Variants in NUMB observed in about 807,000 individuals in gnomAD.
The protein encoded by NUMB is protein numb homolog.
NUMB carries 29 observed loss-of-function variants against 59.7 expected under a neutral mutation model. That is an observed-to-expected ratio of 0.49 (90% CI 0.36 to 0.66). The LOEUF is 0.66. Ranked by LOEUF, NUMB falls within the 30% of genes least tolerant of loss-of-function variation. The pLI is 0.00. For synonymous variants in NUMB, 288 were observed against 288.2 expected, an observed-to-expected ratio of 1.00 and a Z score of 0.01; for missense variants, 723 against 822.0, an observed-to-expected ratio of 0.88 and a Z score of 1.47.
intron 1 of NUMB, among the ~76,000 whole-genome samples, chr14:73,421,976 T>TA (rs2140152872): frequency 6.6e-6 from 1 of 152,016 alleles, no homozygotes; most frequent in South Asian, 2.1e-4. Flanking sequence ...CCGTCTCTAC[T>TA]AAAAATACAA....
intron 7 of NUMB, among the ~76,000 whole-genome samples, 162 bp from the exon 8 acceptor site, chr14:73,293,036 C>T (rs928554449): frequency 5.9e-5 from 9 of 152,316 alleles, no homozygotes; most frequent in African/African-American, 2.2e-4. Context: ...GAGAATTGGA[C>T]TCAGCAGACA....
intron 3 of NUMB, among the ~76,000 whole-genome samples, chr14:73,361,264 A>T (rs1894084334): frequency 6.6e-6 from 1 of 152,182 alleles, no homozygotes; most frequent in South Asian, 2.1e-4. Flanking sequence ...CCATTCAATA[A>T]GTTATCTAAC....
intron 2 of NUMB, among the ~76,000 whole-genome samples, chr14:73,390,583 C>G (rs1895790170): frequency 7.0e-6 from 1 of 143,518 alleles, no homozygotes; most frequent in African/African-American, 2.5e-5. Context: ...TTATAGAAAT[C>G]ATTACCCTAC....
intron 1 of NUMB, among the ~76,000 whole-genome samples, chr14:73,444,225 T>C (rs1285264172): frequency 1.3e-5 from 2 of 151,910 alleles, no homozygotes; most frequent in East Asian, 3.9e-4. Flanking sequence ...CGGTGAAACC[T>C]GGTCTCTACT....
intron 6 of NUMB, among the ~76,000 whole-genome samples, chr14:73,303,968 C>T (rs765345671): frequency 3.9e-5 from 6 of 152,146 alleles, no homozygotes; most frequent in Non-Finnish European, 5.9e-5. Context: ...TTATTATCTT[C>T]CTTAAAACCT....
chr14:73,418,174 T>C (rs139516157), intron 1 of NUMB, among the ~76,000 whole-genome samples: 1 of 152,212 alleles, frequency 6.6e-6, no homozygotes, highest in Non-Finnish European at 1.5e-5. Flanking sequence ...ATTCTGACAC[T>C]TGCTGCCACA....
chr14:73,402,865 CAGTTA>C (rs1896485932), intron 2 of NUMB, among the ~76,000 whole-genome samples: 3 of 152,162 alleles, frequency 2.0e-5, no homozygotes, highest in Admixed American at 1.3e-4. Flanking sequence ...CCACACTACC[CAGTTA>C]AATGTGTATT....
chr14:73,430,839 G>A (rs935672188), intron 1 of NUMB, among the ~76,000 whole-genome samples: 4 of 151,984 alleles, frequency 2.6e-5, no homozygotes, highest in African/African-American at 9.7e-5. Flanking sequence ...CAGCTACTGG[G>A]AAGGCTGAGG....
chr14:73,382,139 CT>C (rs1895272428), intron 2 of NUMB, among the ~76,000 whole-genome samples: 1 of 152,120 alleles, frequency 6.6e-6, no homozygotes, highest in South Asian at 2.1e-4. Context: ...GGCAAAGTGC[CT>C]TTTTAAAATT....
At chr14:73,352,718 A>C (rs1177197990) in intron 4 of NUMB, among the ~76,000 whole-genome samples, 1 of 118,256 alleles carries the variant, frequency 8.5e-6, no homozygotes, top group Non-Finnish European at 1.9e-5. Context: ...TTTTTTTTGT[A>C]TTTTTAGTAG....
chr14:73,286,183 T>C (rs1888979532), intron 9 of NUMB: 1 of 126,826 alleles, frequency 7.9e-6, no homozygotes, highest in South Asian at 2.7e-4. Context: ...CACCACCAAA[T>C]ATGGCAATTT....
intron 3 of NUMB, among the ~76,000 whole-genome samples, chr14:73,366,519 A>G (rs974957042): frequency 6.6e-6 from 1 of 152,194 alleles, no homozygotes; most frequent in African/African-American, 2.4e-5. Flanking sequence ...GTATTAAATC[A>G]TTCAATCTTT....
At position 73,353,472 on chromosome 14, in the gene NUMB, C is replaced by T. The variant is rs546456091; in HGVS notation, c.126+2154G>A. On this transcript the variant is annotated intron_variant, in intron 4 of 12. Transcript: ENST00000555238. ...GATATTACAAATCTTAGGATGACCA[C>T]TTATGCCAATATTATCTATAAACGT... is the stretch of plus-strand genomic sequence containing the variant. 4.0e-5 allele frequency among the ~76,000 whole-genome samples: 6 copies of T among 151,138 alleles called. No individual in the cohort carries two copies. The South Asian group carries it at 1.3e-3, about 32-fold the overall frequency.
intron 2 of NUMB, among the ~76,000 whole-genome samples, chr14:73,367,296 T>TATATATATATATACACAC (rs1406816784): frequency 1.7e-5 from 2 of 121,014 alleles, no homozygotes; most frequent in African/African-American, 7.3e-5. Context: ...TATATATATA[T>TATATATATATATACACAC]ACACACACAC....
At chr14:73,309,763 A>G (rs1890674795) in intron 6 of NUMB, among the ~76,000 whole-genome samples, 1 of 148,478 alleles carries the variant, frequency 6.7e-6, no homozygotes, top group African/African-American at 2.5e-5. Context: ...TAATAAAAAT[A>G]GGATCCAGAA....
Position 73,382,210 on chromosome 14 carries a change from G to C in NUMB, c.-100-15229C>G, listed in dbSNP as rs368140837. Among the ~76,000 whole-genome samples, 10 of 152,272 alleles carry C rather than the reference G, an allele frequency of 6.6e-5. No homozygotes were observed. In the East Asian group the frequency reaches 7.7e-4, roughly 12 times the overall value. On this transcript the variant is annotated intron_variant, in intron 2 of 12. Transcript: ENST00000555238. ...TGCCCAGGCTGGAGTGCAATGGCAC[G>C]ATCTTGGCTCACTGCAACCTCCGCC...
chr14:73,398,415 AGTGTGTGTGT>A lies in NUMB; in HGVS notation c.-101+11512_-101+11521del, dbSNP rs57407662. ...CACAGAGAGAGAGAGAGAGAGAGAG[AGTGTGTGTGT>A]GTGTGTGTGTGTGTGTGTGTGTGTG... On this transcript the variant is annotated intron_variant, in intron 2 of 12. Coordinates refer to ENST00000555238, the MANE Select transcript of NUMB (RefSeq NM_001005743.2). Among the ~76,000 whole-genome samples, 961 of 118,852 alleles carry A rather than the reference AGTGTGTGTGT, an allele frequency of 8.1e-3. 12 individuals are homozygous for A. The highest frequency in any genetic ancestry group is 0.029 in the African/African-American group (866 of 30,160). 78.0% of individuals were successfully genotyped at this position (118,852 alleles called of 152,430 possible).
At chr14:73,398,101 G>A (rs1372492410) in intron 2 of NUMB, among the ~76,000 whole-genome samples, 2 of 152,108 alleles carry the variant, frequency 1.3e-5, no homozygotes, top group African/African-American at 4.8e-5. Context: ...TTCACAAAAA[G>A]AGCAGGAATA....
chr14:73,401,326 G>C (rs1263065411), intron 2 of NUMB, among the ~76,000 whole-genome samples: 4 of 151,890 alleles, frequency 2.6e-5, no homozygotes, highest in Admixed American at 2.0e-4. Flanking sequence ...CAGGTATATG[G>C]AAACTCTCTG....
Sources: gnomAD v4.1 joint callset for allele counts (sites outside exome capture counted in the v4.1 genomes callset) on GRCh38, gnomAD v4.1.1 for gene constraint, MANE v1.5 for transcripts, NCBI Gene and HGNC (gene_info 2026-07-23, HGNC 2026-07-21) for gene names.